ADGRV1: variants seen among roughly 807,000 people sequenced by gnomAD.
ADGRV1 encodes the protein G-protein coupled receptor 98.
Under a neutral mutation model 596.2 loss-of-function variants are expected in ADGRV1, and 359 were observed. The ratio of observed to expected loss-of-function variants is 0.60; its 90% CI spans 0.55 to 0.66. The LOEUF (loss-of-function observed/expected upper bound fraction) is 0.66, where lower values mean the gene tolerates loss of function less well. ADGRV1 is among the 30% of genes least tolerant of loss of function. The pLI is 0.00. For missense variants in ADGRV1, 7,274 were observed against 7,575.6 expected (o/e 0.96, Z 1.48); for synonymous variants, 2,681 against 2,679.2 (o/e 1.00, Z -0.02).
intron 1 of ADGRV1, among the ~76,000 whole-genome samples, chr5:90,611,747 A>G (rs1762753704): frequency 6.6e-6 from 1 of 151,964 alleles, no homozygotes; most frequent in Non-Finnish European, 1.5e-5. Flanking sequence ...CCTAAAATAG[A>G]TTTAAGACTT....
chr5:90,677,141 C>T (rs1744337197), intron 25 of ADGRV1, among the ~76,000 whole-genome samples: 1 of 152,186 alleles, frequency 6.6e-6, no homozygotes, highest in Non-Finnish European at 1.5e-5. Flanking sequence ...GGTATCATTA[C>T]CTCATTATTA....
chr5:90,914,770 C>A (rs905055272), intron 83 of ADGRV1, among the ~76,000 whole-genome samples: 4 of 152,098 alleles, frequency 2.6e-5, no homozygotes, highest in Non-Finnish European at 5.9e-5. Context: ...TATTTATTAA[C>A]AACAACAGAA....
intron 85 of ADGRV1, among the ~76,000 whole-genome samples, chr5:91,053,135 T>C (rs1408853565): frequency 6.6e-6 from 1 of 152,198 alleles, no homozygotes; most frequent in Non-Finnish European, 1.5e-5. Flanking sequence ...AATCACTGCT[T>C]CCTTCCTAAT....
At chr5:90,632,040 G>A (rs1414779228) in intron 9 of ADGRV1, among the ~76,000 whole-genome samples, 1 of 149,228 alleles carries the variant, frequency 6.7e-6, no homozygotes, top group South Asian at 2.2e-4. Flanking sequence ...GAATTTAATG[G>A]AATTTTTTTG....
At chr5:90,583,334 T>C (rs1688009175) in intron 1 of ADGRV1, among the ~76,000 whole-genome samples, 2 of 152,194 alleles carry the variant, frequency 1.3e-5, no homozygotes, top group South Asian at 4.1e-4. Flanking sequence ...AATTGGTCAT[T>C]AATTCATTCT....
rs530419802 is a variant in ADGRV1, at chr5:91,028,657, A to G, written c.18152+43135A>G. On this transcript the variant is annotated intron_variant, in intron 85 of 89. Coordinates refer to ENST00000405460, the MANE Select transcript of ADGRV1 (RefSeq NM_032119.4). ...CCATCAAGGACCAGCCTCTTTAAAC[A>G]CAATCTGTTCCAGGCAGATTTATCA... Among the ~76,000 whole-genome samples, 33 of 151,692 alleles carry G rather than the reference A, an allele frequency of 2.2e-4. 1 individual carries two copies. The South Asian group carries it at 6.3e-3, about 29-fold the overall frequency.
chr5:90,840,866 C>G lies in ADGRV1; in HGVS notation c.16900C>G (p.Gln5634Glu). 1 of 1,609,816 alleles carries G rather than the reference C, an allele frequency of 6.2e-7. No homozygotes were observed. The highest frequency in any genetic ancestry group is 8.5e-7 in the Non-Finnish European group (1 of 1,177,188). The change falls in exon 78 of 90, where the codon CAG becomes GAG. Residue 5634 changes from glutamine to glutamate, a missense_variant. Gln to Glu is a conservative substitution (Grantham distance 29). This residue lies in a region of ADGRV1 where 1,874 missense variants were observed against 1,970.2 expected (regional missense o/e 0.95). Coordinates refer to ENST00000405460, the MANE Select transcript of ADGRV1 (RefSeq NM_032119.4). ...GCAGGCCATTTGGGGGCTTGCAGAT[C>G]AGCTACATCAGCCTGTGAATGATGA... ...DSQAIWGLAD[Q>E]LHQPVNDDIL...
chr5:90,694,090 AG>A lies in ADGRV1; in HGVS notation c.7336del (p.Glu2446AsnfsTer21). 1.2e-6 allele frequency: 2 copies of A among 1,613,890 alleles called. No homozygotes were observed. Among genetic ancestry groups the A allele is most frequent in the Non-Finnish European group, 1.7e-6 (2 of 1,179,858 alleles). The part of the protein sequence containing the change: ...PLYTCATLCL[K>X]EQACSAFSFF... ...TATACCTGTGCCACTTTGTGCCTTA[AG>A]GAACAAGCTTGCTCAGCGTTTTCAT... is the stretch of plus-strand genomic sequence containing the variant. On this transcript the variant is annotated frameshift_variant, in exon 33 of 90. Coordinates refer to ENST00000405460, the MANE Select transcript of ADGRV1 (RefSeq NM_032119.4). LOFTEE classifies it high-confidence loss of function.
intron 83 of ADGRV1, among the ~76,000 whole-genome samples, chr5:90,887,153 C>G (rs1308635343): frequency 6.6e-6 from 1 of 152,136 alleles, no homozygotes; most frequent in Non-Finnish European, 1.5e-5. Flanking sequence ...CAGCTCCGGT[C>G]CATATCACCA....
chr5:90,680,168 A>G (rs1180392536), intron 26 of ADGRV1, among the ~76,000 whole-genome samples: 1 of 152,036 alleles, frequency 6.6e-6, no homozygotes, highest in African/African-American at 2.4e-5. Context: ...TGACCAACAT[A>G]GTAAAACCCC....
At chr5:90,607,088 A>G (rs1433937963) in intron 1 of ADGRV1, among the ~76,000 whole-genome samples, 1 of 152,166 alleles carries the variant, frequency 6.6e-6, no homozygotes. Flanking sequence ...AGGGTTTTCA[A>G]ACAATTAGAG....
At chr5:90,577,985 T>C (rs1168183060) in intron 1 of ADGRV1, among the ~76,000 whole-genome samples, 1 of 152,230 alleles carries the variant, frequency 6.6e-6, no homozygotes. Flanking sequence ...TTTGCTGAAG[T>C]TGCTTATCAG....
intron 84 of ADGRV1, among the ~76,000 whole-genome samples, chr5:90,971,497 G>A (rs1258832715): frequency 1.3e-5 from 2 of 152,186 alleles, no homozygotes; most frequent in African/African-American, 4.8e-5. Flanking sequence ...ACTAACAGCA[G>A]ATCTCTCCGC....
At chr5:91,123,353 C>T (rs2973443) in intron 87 of ADGRV1, among the ~76,000 whole-genome samples, 152,230 of 152,304 alleles carry the variant, frequency 1, 76,080 homozygotes, top group Non-Finnish European at 1. Context: ...GAGGCTGGGA[C>T]GTCCAAGATC....
Position 90,750,566 on chromosome 5 carries a change from C to G in ADGRV1, c.10990C>G (p.Gln3664Glu). The change falls in exon 53 of 90, where the codon CAA (glutamine) becomes GAA (glutamate). Residue 3664 changes from glutamine to glutamate, a missense_variant. Transcript: ENST00000405460. Reference sequence around the variant, plus strand: ...ATTTTTTCAGAATTCATTATATAAGCAAGTGGAAGAAATGGAGCAAGATAG... The same window carrying G: ...ATTTTTTCAGAATTCATTATATAAGGAAGTGGAAGAAATGGAGCAAGATAG... ...VAFAQNSLYK[Q>E]VEEMEQDSLV... The G allele has an allele frequency of 6.2e-7, 1 of 1,607,382 alleles. No individual in the cohort carries two copies. The highest frequency in any genetic ancestry group is 1.1e-5 in the South Asian group (1 of 89,658).
intron 31 of ADGRV1, among the ~76,000 whole-genome samples, chr5:90,692,252 T>A (rs886885058): frequency 6.6e-6 from 1 of 152,182 alleles, no homozygotes; most frequent in African/African-American, 2.4e-5. Flanking sequence ...TTAAAATGTA[T>A]ATTTCAGATT....
At chr5:91,069,747 C>T (rs368193081) in intron 85 of ADGRV1, among the ~76,000 whole-genome samples, 2 of 152,226 alleles carry the variant, frequency 1.3e-5, no homozygotes, top group South Asian at 2.1e-4. Flanking sequence ...CCAGCAATCC[C>T]ATTACTGGAT....
chr5:90,763,811 G>C (rs1462113180), intron 59 of ADGRV1, among the ~76,000 whole-genome samples: 1 of 152,158 alleles, frequency 6.6e-6, no homozygotes, highest in Non-Finnish European at 1.5e-5. Flanking sequence ...ATTCACTTAG[G>C]ATAATGGCTC....
At chr5:91,159,924 T>G (rs1796805261) in intron 89 of ADGRV1, among the ~76,000 whole-genome samples, 1 of 152,154 alleles carries the variant, frequency 6.6e-6, no homozygotes, top group Non-Finnish European at 1.5e-5. Context: ...ATTTCTGTGT[T>G]GATCCCAAGT....
Sources: allele counts gnomAD v4.1 joint callset (sites outside exome capture counted in the v4.1 genomes callset), GRCh38; gene constraint gnomAD v4.1.1; regional missense constraint gnomAD v4.1.1; transcripts MANE v1.5; gene names NCBI Gene and HGNC (gene_info 2026-07-23, HGNC 2026-07-21).